MYO6: variants seen among roughly 807,000 people sequenced by gnomAD.
MYO6 encodes the protein unconventional myosin-VI.
In MYO6, 74 loss-of-function variants were observed where a neutral mutation model predicts 178.7. The ratio of observed to expected loss-of-function variants is 0.41; its 90% CI spans 0.34 to 0.50. The LOEUF (loss-of-function observed/expected upper bound fraction) is 0.50. Ranked by LOEUF, MYO6 falls within the 20% of genes least tolerant of loss-of-function variation. The pLI is 0.09. For synonymous variants in MYO6, 477 were observed against 504.6 expected, an observed-to-expected ratio of 0.95 and a Z score of 0.73; for missense variants, 1,330 against 1,547.4, an observed-to-expected ratio of 0.86 and a Z score of 2.36.
chr6:75,840,987 A>G (rs1774160108), intron 8 of MYO6, among the ~76,000 whole-genome samples: 1 of 152,220 alleles, frequency 6.6e-6, no homozygotes, highest in African/African-American at 2.4e-5. Flanking sequence ...TCAAAACTTA[A>G]CAGGATTTGG....
rs1357574191 is a variant in MYO6, at chr6:75,911,717, A to G, written c.3439+19A>G. ...AATTCACGTAAGTCAATGGGTGGTA[A>G]CTCATGAGCTAACTGGAAGATGGGT... On this transcript the variant is annotated intron_variant, in intron 33 of 34. Transcript: ENST00000369977. The G allele has an allele frequency of 1.9e-6, 3 of 1,608,306 alleles. No individual in the cohort carries two copies. Among genetic ancestry groups the G allele is most frequent in the Non-Finnish European group, 8.5e-7 (1 of 1,174,968 alleles).
At chr6:75,879,673 A>G (rs1238008525) in intron 20 of MYO6, 147 bp from the exon 21 acceptor site, 6 of 1,109,128 alleles carry the variant, frequency 5.4e-6, no homozygotes, top group Non-Finnish European at 8.0e-6. Context: ...TAATGAGCAT[A>G]AATATTTTCC....
rs534738170 is a variant in MYO6 at position 75,784,717 on chromosome 6, C to T, written c.-47-32784C>T. On this transcript the variant is annotated intron_variant, in intron 1 of 34. Transcript: ENST00000369977. ...GCGTGAACCCGGGAGGCGGAGCTTG[C>T]AGCGAGCCGAGGTCGCACCACTGCA... is the stretch of plus-strand genomic sequence containing the variant. Among the ~76,000 whole-genome samples, 3 of 140,794 alleles carry T rather than the reference C, an allele frequency of 2.1e-5. No individual in the cohort carries two copies. In the South Asian group the frequency reaches 6.8e-4, roughly 32 times the overall value. The allele number at this position is 140,794 out of a possible 152,430, so 92.4% of individuals were successfully genotyped here.
intron 25 of MYO6, among the ~76,000 whole-genome samples, chr6:75,887,639 CAA>C (rs71002772): frequency 9.3e-6 from 1 of 107,930 alleles, no homozygotes. Flanking sequence ...GACTCCATCT[CAA>C]AAAAAAAAAA....
chr6:75,819,712 C>T (rs1031297593), intron 2 of MYO6, among the ~76,000 whole-genome samples: 1 of 152,198 alleles, frequency 6.6e-6, no homozygotes, highest in Non-Finnish European at 1.5e-5. Flanking sequence ...ACATTCTTAG[C>T]ACATGCTATG....
intron 4 of MYO6, among the ~76,000 whole-genome samples, chr6:75,830,118 A>G (rs1039504895): frequency 1.2e-4 from 19 of 152,216 alleles, no homozygotes; most frequent in African/African-American, 4.6e-4. Flanking sequence ...GAGGAAGCAC[A>G]TGGAAGGATA....
intron 1 of MYO6, among the ~76,000 whole-genome samples, chr6:75,816,838 T>A (rs963127065): frequency 6.6e-6 from 1 of 152,158 alleles, no homozygotes; most frequent in Non-Finnish European, 1.5e-5. Flanking sequence ...GCAGAATACT[T>A]TAGGGAGCAA....
rs1191940227 is a variant in MYO6, at chr6:75,890,193, A to C, written c.2795A>C (p.Glu932Ala). The C allele has an allele frequency of 6.2e-7, 1 of 1,612,412 alleles. No individual in the cohort carries two copies. The highest frequency in any genetic ancestry group is 1.1e-5 in the South Asian group (1 of 91,036). The change falls in exon 26 of 35, where the codon GAA (glutamate) becomes GCA (alanine). Residue 932 changes from glutamate to alanine, a missense_variant. Transcript: ENST00000369977. ...EAERLRRIQE[E>A]MEKERKRREE... ...GAAAGGCTGAGGCGTATTCAAGAAG[A>C]AATGGAAAAGGAAAGAAAAAGACGT... is the stretch of plus-strand genomic sequence containing the variant.
intron 7 of MYO6, among the ~76,000 whole-genome samples, chr6:75,839,201 AT>A (rs200317058): frequency 0.019 from 2,818 of 151,342 alleles, 39 homozygotes; most frequent in Admixed American, 0.038. Flanking sequence ...TTATTTATTT[AT>A]TTTTTTGAGA....
intron 4 of MYO6, 99 bp downstream of exon 4, chr6:75,828,712 T>G: frequency 1.2e-6 from 1 of 829,552 alleles, no homozygotes; most frequent in South Asian, 1.4e-5. Flanking sequence ...CAGAAAATCA[T>G]GCTTGATCTG....
In MYO6 at chr6:75,890,070, C is replaced by T. The variant is rs146682372; in HGVS notation, c.2672C>T (p.Thr891Met). The change falls in exon 26 of 35, where the codon ACG (threonine) becomes ATG (methionine). Residue 891 changes from threonine (T) to methionine (M), a missense_variant. Physicochemically the swap from Thr to Met is moderately conservative, Grantham distance 81. Transcript: ENST00000369977. Reference protein sequence around the residue: ...LMAKIKSTMMTQEQIQKEYDA... With the variant: ...LMAKIKSTMMMQEQIQKEYDA... The stretch of plus-strand genomic sequence containing the variant: ...TATTTTTTAAAGTCCACTATGATGA[C>T]GCAGGAACAAATCCAGAAAGAATAT... 7.1e-5 allele frequency: 115 copies of T among 1,611,928 alleles called. No homozygotes were observed. Among genetic ancestry groups the T allele is most frequent in the East Asian group, 6.7e-4 (30 of 44,846 alleles).
intron 33 of MYO6, among the ~76,000 whole-genome samples, chr6:75,913,621 A>G (rs1780931167): frequency 6.6e-6 from 1 of 152,206 alleles, no homozygotes; most frequent in Non-Finnish European, 1.5e-5. Flanking sequence ...TACATCCTTC[A>G]GATTTTTGAA....
intron 1 of MYO6, among the ~76,000 whole-genome samples, chr6:75,797,848 A>G (rs1210950991): frequency 1.3e-5 from 2 of 152,174 alleles, no homozygotes; most frequent in Non-Finnish European, 2.9e-5. Flanking sequence ...ACTCTGTTTT[A>G]AGTTTAGAAA....
Position 75,915,249 on chromosome 6 carries a change from C to G in MYO6, c.*237C>G. The G allele has an allele frequency of 5.5e-6, 3 of 549,786 alleles. No homozygotes were observed. The highest frequency in any genetic ancestry group is 9.8e-6 in the Non-Finnish European group (3 of 306,162). 34.1% of individuals were successfully genotyped at this position (549,786 alleles called of 1,614,324 possible). ...TCCCAAAACTCTCATTATTCTCTAA[C>G]TATTACACATGGGCATATTCTGATG... On this transcript the variant is annotated 3_prime_UTR_variant, in exon 35 of 35. Transcript: ENST00000369977.
In MYO6 at chr6:75,792,519, A is replaced by G. The variant is rs535047035; in HGVS notation, c.-47-24982A>G. On this transcript the variant is annotated intron_variant, in intron 1 of 34. Transcript: ENST00000369977. ...TTCTCTCTGGCTTATTTAGAGTGGT[A>G]GAGCTTCTTTGACGTTTCCTATTTC... Among the ~76,000 whole-genome samples, 8 of 152,332 alleles carry G rather than the reference A, an allele frequency of 5.3e-5. No homozygotes were observed. The South Asian group carries it at 1.7e-3, about 32-fold the overall frequency.
At chr6:75,868,932 A>AT (rs1776917239) in intron 18 of MYO6, among the ~76,000 whole-genome samples, 1 of 152,162 alleles carries the variant, frequency 6.6e-6, no homozygotes, top group Non-Finnish European at 1.5e-5. Context: ...AAAAATACAA[A>AT]TAAAGCATGA....
At chr6:75,852,154 A>G (rs1267844035) in intron 11 of MYO6, among the ~76,000 whole-genome samples, 1 of 151,798 alleles carries the variant, frequency 6.6e-6, no homozygotes, top group Admixed American at 6.6e-5. Flanking sequence ...GGAGGTGTGT[A>G]AGAAACTTTG....
intron 1 of MYO6, among the ~76,000 whole-genome samples, chr6:75,815,089 C>T (rs556070202): frequency 3.3e-5 from 5 of 152,092 alleles, no homozygotes; most frequent in East Asian, 1.9e-4. Context: ...TGAAGTGGCA[C>T]GAGTAGAAGC....
chr6:75,913,467 GT>G (rs973489237), intron 33 of MYO6, among the ~76,000 whole-genome samples: 1 of 151,622 alleles, frequency 6.6e-6, no homozygotes, highest in Non-Finnish European at 1.5e-5. Flanking sequence ...CTGTTATAAG[GT>G]TTTTTTTGTC....
Sources: gnomAD v4.1 joint callset for allele counts (sites outside exome capture counted in the v4.1 genomes callset) on GRCh38, gnomAD v4.1.1 for gene constraint, MANE v1.5 for transcripts, NCBI Gene and HGNC (gene_info 2026-07-23, HGNC 2026-07-21) for gene names.